The following MYO16 variants were observed in gnomAD, a reference collection of about 807,000 sequenced individuals.
MYO16 encodes the protein unconventional myosin-XVI.
Under a neutral mutation model 205.3 loss-of-function variants are expected in MYO16, and 94 were observed. The ratio of observed to expected loss-of-function variants is 0.46; its 90% confidence interval spans 0.39 to 0.54. MYO16 has a LOEUF of 0.54. Among genes scored for constraint, MYO16 ranks in the 20% least tolerant of loss-of-function variants. MYO16 has a pLI of 0.00. For missense variants in MYO16, 2,315 were observed against 2,387.5 expected, an observed-to-expected ratio of 0.97 and a Z score of 0.63; for synonymous variants, 988 against 954.0, an observed-to-expected ratio of 1.04 and a Z score of -0.66.
At chr13:108,583,395 TTTAC>T in the MYO16 span, among the ~76,000 whole-genome samples, 1 of 152,198 alleles carries the variant, frequency 6.6e-6, no homozygotes, top group African/African-American at 2.4e-5. Flanking sequence ...TAGAAGAGAC[TTTAC>T]TTAGGCAGAA....
chr13:109,046,682 A>G (rs9555546), intron 23 of MYO16, among the ~76,000 whole-genome samples: 88,744 of 152,070 alleles, frequency 0.58, 26,516 homozygotes, highest in East Asian at 0.85. Context: ...TAAACTTGGC[A>G]ATCAAAGGAG....
chr13:108,609,417 C>G (rs1879088934), intron 1 of MYO16, among the ~76,000 whole-genome samples: 1 of 152,220 alleles, frequency 6.6e-6, no homozygotes, highest in African/African-American at 2.4e-5. Context: ...GGGCCCAGGT[C>G]TGTTCTGCTC....
At chr13:108,696,373 A>G (rs1239008913) in intron 2 of MYO16, among the ~76,000 whole-genome samples, 1 of 152,252 alleles carries the variant, frequency 6.6e-6, no homozygotes, top group Non-Finnish European at 1.5e-5. Context: ...AAAGTATGGT[A>G]TACTTATATA....
Position 108,916,934 on chromosome 13 carries a change from C to T in MYO16, c.1925+6784C>T, listed in dbSNP as rs997137169. Among the ~76,000 whole-genome samples the T allele has an allele frequency of 3.9e-5, 6 of 152,104 alleles. No individual in the cohort carries two copies. The East Asian group carries it at 1.2e-3, about 29-fold the overall frequency. ...TTGATTGGTAGTGTTAGATTCCCAA[C>T]TCTAACACATTTAAAGAAAAAAGAA... On this transcript the variant is annotated intron_variant, in intron 16 of 34. Transcript: ENST00000457511.
intron 33 of MYO16, among the ~76,000 whole-genome samples, chr13:109,177,011 C>T (rs1435662735): frequency 6.6e-6 from 1 of 152,332 alleles, no homozygotes; most frequent in East Asian, 1.9e-4. Flanking sequence ...TGCTACCTAT[C>T]GTCTCCAAAG....
chr13:109,097,804 G>A (rs1459495581), intron 27 of MYO16, among the ~76,000 whole-genome samples: 2 of 152,074 alleles, frequency 1.3e-5, no homozygotes, highest in Non-Finnish European at 2.9e-5. Flanking sequence ...TGAAACATGA[G>A]CAAAAATCCA....
intron 27 of MYO16, among the ~76,000 whole-genome samples, chr13:109,076,063 A>G (rs1888091723): frequency 6.6e-6 from 1 of 152,166 alleles, no homozygotes; most frequent in Admixed American, 6.5e-5. Flanking sequence ...GTGAGTGGGT[A>G]CCAGTACTCC....
At chr13:108,627,980 A>T (rs544030776), upstream of MYO16, among the ~76,000 whole-genome samples, 2 of 152,124 alleles carry the variant, frequency 1.3e-5, no homozygotes, top group African/African-American at 4.8e-5. Context: ...AAGATACATT[A>T]GATAACATTC....
chr13:108,833,588 T>A (rs192404062), intron 9 of MYO16, among the ~76,000 whole-genome samples: 30 of 152,292 alleles, frequency 2.0e-4, no homozygotes, highest in Non-Finnish European at 3.7e-4. Context: ...TTTTATTTCA[T>A]CTCTATGGTT....
intron 4 of MYO16, among the ~76,000 whole-genome samples, chr13:108,740,760 C>T (rs1287714029): frequency 6.6e-6 from 1 of 152,180 alleles, no homozygotes; most frequent in Non-Finnish European, 1.5e-5. Context: ...AGGCAGGCCT[C>T]CTTGAGCTGT....
chr13:108,593,894 C>T (rs1245070307), upstream of MYO16, among the ~76,000 whole-genome samples: 2 of 152,192 alleles, frequency 1.3e-5, no homozygotes, highest in East Asian at 1.9e-4. Flanking sequence ...ACAGAACAGC[C>T]TCTGACACCC....
chr13:108,777,656 C>T (rs574676796), intron 4 of MYO16, among the ~76,000 whole-genome samples: 2 of 152,156 alleles, frequency 1.3e-5, no homozygotes, highest in Non-Finnish European at 2.9e-5. Context: ...GTGAGAGGAG[C>T]CTGTTCCTCC....
the MYO16 span, among the ~76,000 whole-genome samples, chr13:108,581,492 T>C: frequency 6.6e-6 from 1 of 152,180 alleles, no homozygotes; most frequent in Non-Finnish European, 1.5e-5. Flanking sequence ...TTGCCTTTTT[T>C]TTTGTTTGTA....
At chr13:109,094,150 C>T (rs1318954044) in intron 27 of MYO16, among the ~76,000 whole-genome samples, 3 of 152,150 alleles carry the variant, frequency 2.0e-5, no homozygotes, top group African/African-American at 7.2e-5. Context: ...GGTGTCTGCT[C>T]ACAGTGAAAG....
chr13:108,932,982 A>C (rs1222226284), intron 16 of MYO16, among the ~76,000 whole-genome samples: 2 of 152,026 alleles, frequency 1.3e-5, no homozygotes, highest in Non-Finnish European at 2.9e-5. Context: ...CCCTTGGAGG[A>C]TGTTGGCATT....
At position 108,991,881 on chromosome 13, in the gene MYO16, T is replaced by C. The variant is rs1178142389; in HGVS notation, c.2370-495T>C. On this transcript the variant is annotated intron_variant, in intron 20 of 34. Coordinates refer to ENST00000457511, the MANE Select transcript of MYO16 (RefSeq NM_001198950.3). ...AATCACCCACATAGTGTTACATTTTTAATTTAAAATCAATTTGGTTTTTGG... is the reference window on the plus strand; with the variant it reads ...AATCACCCACATAGTGTTACATTTTCAATTTAAAATCAATTTGGTTTTTGG... Among the ~76,000 whole-genome samples, 3 of 152,382 alleles carry C rather than the reference T, an allele frequency of 2.0e-5. No homozygotes were observed. In the East Asian group the frequency reaches 5.8e-4, roughly 29 times the overall value.
chr13:108,674,598 G>A (rs186104239), intron 2 of MYO16, among the ~76,000 whole-genome samples: 18 of 152,234 alleles, frequency 1.2e-4, no homozygotes, highest in South Asian at 6.2e-4. Flanking sequence ...CTGACACCTC[G>A]GAAATTGAAA....
chr13:108,775,248 GT>G (rs1274711195), intron 4 of MYO16, among the ~76,000 whole-genome samples: 1 of 152,132 alleles, frequency 6.6e-6, no homozygotes, highest in South Asian at 2.1e-4. Context: ...TTTTCTCTCA[GT>G]TTTTTTATTC....
chr13:108,752,123 ATTTCT>A (rs1274521800), intron 4 of MYO16, among the ~76,000 whole-genome samples: 3 of 152,190 alleles, frequency 2.0e-5, no homozygotes, highest in African/African-American at 7.2e-5. Context: ...TATCTTCACA[ATTTCT>A]TTTCAAGTTT....
Sources: allele counts gnomAD v4.1 joint callset (sites outside exome capture counted in the v4.1 genomes callset), GRCh38; gene constraint gnomAD v4.1.1; transcripts MANE v1.5; gene names NCBI Gene and HGNC (gene_info 2026-07-23, HGNC 2026-07-21).